DSCAM: variants seen among roughly 807,000 people sequenced by gnomAD.
DSCAM encodes the protein DS cell adhesion molecule.
A neutral mutation model predicts 217.7 loss-of-function variants in DSCAM; 47 were observed. The ratio of observed to expected loss-of-function variants is 0.22; its 90% CI spans 0.17 to 0.28. DSCAM has a LOEUF of 0.28. DSCAM is among the 10% of genes least tolerant of loss of function. The pLI is 1.00. For synonymous variants in DSCAM, 1,056 were observed against 1,015.3 expected (o/e 1.04, Z -0.76); for missense variants, 2,080 against 2,618.3 (o/e 0.79, Z 4.49).
Position 40,075,112 on chromosome 21 carries a change from C to T in DSCAM, c.4813G>A (p.Gly1605Arg). The T allele has an allele frequency of 6.2e-7, 1 of 1,614,198 alleles. No homozygotes were observed. The highest frequency in any genetic ancestry group is 2.2e-5 in the East Asian group (1 of 44,872). Residue 1605 changes from glycine to arginine, a missense_variant, in exon 27 of 33, where the codon GGG becomes AGG. Physicochemically the swap from Gly to Arg is moderately radical, Grantham distance 125 (BLOSUM62 -2). Around this residue, in one of 5 missense-constraint regions of DSCAM, gnomAD observed 1,144 missense variants for 1,421.1 expected, o/e 0.81. Coordinates refer to ENST00000400454, the MANE Select transcript of DSCAM (RefSeq NM_001389.5). Reference protein sequence around the residue: ...MLVTISCILVGVLLLFVLLLV... With the variant: ...MLVTISCILVRVLLLFVLLLV... ...AGGAGCACAAACAGCAGCAAGACCC[C>T]CACCAGGATACAGGAGATGGTCACC...
chr21:40,697,961 G>T (rs1381116229), intron 2 of DSCAM, among the ~76,000 whole-genome samples: 6 of 152,108 alleles, frequency 3.9e-5, no homozygotes, highest in African/African-American at 1.4e-4. Context: ...CAATCAACGA[G>T]CATGAAATAA....
chr21:40,108,948 T>G (rs2089858117), intron 20 of DSCAM, among the ~76,000 whole-genome samples: 1 of 152,228 alleles, frequency 6.6e-6, no homozygotes, highest in South Asian at 2.1e-4. Flanking sequence ...GCTAGCCATA[T>G]GCAGAAGATT....
At chr21:40,370,477 T>C (rs1439962688) in intron 3 of DSCAM, among the ~76,000 whole-genome samples, 1 of 152,224 alleles carries the variant, frequency 6.6e-6, no homozygotes, top group Non-Finnish European at 1.5e-5. Flanking sequence ...CATCCTTTAG[T>C]TTATTTCAGT....
At chr21:40,350,162 A>G (rs1317739546) in intron 5 of DSCAM, among the ~76,000 whole-genome samples, 1 of 152,294 alleles carries the variant, frequency 6.6e-6, no homozygotes, top group East Asian at 1.9e-4. Context: ...ACTTAAATGT[A>G]AAACCTAAAA....
chr21:40,635,520 G>A (rs542429685), intron 3 of DSCAM, among the ~76,000 whole-genome samples: 1 of 152,340 alleles, frequency 6.6e-6, no homozygotes, highest in African/African-American at 2.4e-5. Context: ...GCACAGGCCT[G>A]GAGAGCAAGC....
At chr21:40,324,633 C>CAAAATATTCAAGCATAATATCAAAAGATA (rs2074298581) in intron 8 of DSCAM, among the ~76,000 whole-genome samples, 1 of 152,140 alleles carries the variant, frequency 6.6e-6, no homozygotes, top group Non-Finnish European at 1.5e-5. Context: ...AACTTAAAAA[C>CAAAATATTCAAGCATAATATCAAAAGATA]TTATGATAAT....
intron 3 of DSCAM, among the ~76,000 whole-genome samples, chr21:40,457,742 T>C (rs1397446544): frequency 6.6e-6 from 1 of 152,200 alleles, no homozygotes; most frequent in East Asian, 1.9e-4. Flanking sequence ...GTGAATGTGC[T>C]ACATATGCCT....
chr21:40,374,398 C>T (rs1004384970), intron 3 of DSCAM, among the ~76,000 whole-genome samples: 19 of 152,110 alleles, frequency 1.2e-4, no homozygotes, highest in African/African-American at 3.4e-4. Flanking sequence ...GAAAGGCAAC[C>T]GCATATATTA....
At chr21:40,325,859 T>C (rs1435762061) in intron 8 of DSCAM, among the ~76,000 whole-genome samples, 1 of 152,158 alleles carries the variant, frequency 6.6e-6, no homozygotes, top group Non-Finnish European at 1.5e-5. Flanking sequence ...ATGCAATTAT[T>C]AGTGAAGTTA....
intron 1 of DSCAM, among the ~76,000 whole-genome samples, chr21:40,820,830 T>A (rs914929954): frequency 2.0e-5 from 3 of 152,170 alleles, no homozygotes; most frequent in African/African-American, 7.2e-5. Flanking sequence ...CAGGTTTCAA[T>A]GTTAACCTTA....
At chr21:40,659,977 G>C (rs183644225) in intron 3 of DSCAM, among the ~76,000 whole-genome samples, 61 of 152,364 alleles carry the variant, frequency 4.0e-4, no homozygotes, top group Non-Finnish European at 1.5e-5. Context: ...GGTGCATGCT[G>C]TGTGATATGG....
chr21:40,668,890 A>G (rs966179499), intron 3 of DSCAM, among the ~76,000 whole-genome samples: 3 of 151,936 alleles, frequency 2.0e-5, no homozygotes, highest in African/African-American at 7.2e-5. Flanking sequence ...TGGGAAAAAA[A>G]CAAAGAAAAG....
At chr21:40,104,076 A>C (rs1196198665) in intron 20 of DSCAM, among the ~76,000 whole-genome samples, 1 of 152,142 alleles carries the variant, frequency 6.6e-6, no homozygotes. Context: ...GGCATTACAG[A>C]TACTTATGTT....
chr21:40,600,156 G>C (rs1433176871), intron 3 of DSCAM, among the ~76,000 whole-genome samples: 1 of 152,218 alleles, frequency 6.6e-6, no homozygotes, highest in African/African-American at 2.4e-5. Flanking sequence ...ACAATAAAAA[G>C]AGCAGAAGTT....
chr21:40,183,794 G>A (rs1170018973), intron 14 of DSCAM, among the ~76,000 whole-genome samples: 8 of 152,198 alleles, frequency 5.3e-5, no homozygotes, highest in Non-Finnish European at 1.2e-4. Flanking sequence ...CGAATGTGAA[G>A]TACTTTAATA....
At chr21:40,842,859 G>C (rs1253148455) in intron 1 of DSCAM, among the ~76,000 whole-genome samples, 1 of 152,156 alleles carries the variant, frequency 6.6e-6, no homozygotes, top group Non-Finnish European at 1.5e-5. Flanking sequence ...TCAAAAAGTG[G>C]AGAACGATCC....
intron 3 of DSCAM, among the ~76,000 whole-genome samples, chr21:40,448,392 T>C (rs1453284057): frequency 6.6e-6 from 1 of 152,116 alleles, no homozygotes; most frequent in Non-Finnish European, 1.5e-5. Flanking sequence ...TCTCTGACAT[T>C]TGGACTCTAG....
chr21:40,492,771 G>A (rs2076086636), intron 3 of DSCAM, among the ~76,000 whole-genome samples: 1 of 152,100 alleles, frequency 6.6e-6, no homozygotes, highest in African/African-American at 2.4e-5. Context: ...CATTACAGGA[G>A]TTTGAGGCAA....
At chr21:40,821,090 A>G (rs941522093) in intron 1 of DSCAM, among the ~76,000 whole-genome samples, 17 of 70,604 alleles carry the variant, frequency 2.4e-4, no homozygotes, top group African/African-American at 8.5e-4. Flanking sequence ...TCACATATAT[A>G]GAGAGATATA....
Sources: gnomAD v4.1 joint callset for allele counts (sites outside exome capture counted in the v4.1 genomes callset) on GRCh38, gnomAD v4.1.1 for gene constraint, gnomAD v4.1.1 regional missense constraint, MANE v1.5 for transcripts, NCBI Gene and HGNC (gene_info 2026-07-23, HGNC 2026-07-21) for gene names.